The following JAKMIP1 variants were observed in gnomAD, a reference collection of about 807,000 sequenced individuals.
JAKMIP1 encodes the protein janus kinase and microtubule interacting protein 1.
In JAKMIP1, 33 loss-of-function variants were observed where a neutral mutation model predicts 113.0. That is an observed-to-expected ratio of 0.29 (90% CI 0.22 to 0.39). The LOEUF (loss-of-function observed/expected upper bound fraction) is 0.39. Ranked by LOEUF, JAKMIP1 falls within the 10% of genes least tolerant of loss-of-function variation. The pLI is 1.00. For synonymous variants in JAKMIP1, 480 were observed against 459.9 expected (o/e 1.04, Z -0.56); for missense variants, 813 against 1,080.5 (o/e 0.75, Z 3.47).
At position 6,153,189 on chromosome 4, in the gene JAKMIP1, G is replaced by A. The variant is rs1232329321; in HGVS notation, c.-147-40192C>T. Among the ~76,000 whole-genome samples, 1 of 152,114 alleles carries A rather than the reference G, an allele frequency of 6.6e-6. No homozygotes were observed. The highest frequency in any genetic ancestry group is 1.5e-5 in the Non-Finnish European group (1 of 68,026). ...GACTCTCCTGGCATCCAGCTCACCA[G>A]AGGCCAACACCTGCTCACCATTCGA... is the stretch of plus-strand genomic sequence containing the variant. On this transcript the variant is annotated intron_variant, in intron 1 of 20. Transcript: ENST00000409021. This position sits in a 1 kb window ranked among gnomAD's most constrained non-coding sequence, Gnocchi z 4.9.
At chr4:6,132,653 A>AT (rs1553848578) in intron 1 of JAKMIP1, among the ~76,000 whole-genome samples, 3 of 131,726 alleles carry the variant, frequency 2.3e-5, no homozygotes, top group African/African-American at 7.3e-5. Flanking sequence ...AAAATAAAAA[A>AT]AAAAAAAAAG....
chr4:6,082,127 C>CA (rs1720662515), intron 5 of JAKMIP1, among the ~76,000 whole-genome samples: 1 of 152,018 alleles, frequency 6.6e-6, no homozygotes, highest in Admixed American at 6.6e-5. Context: ...ATTTTATAGA[C>CA]AAAGAACCTG....
chr4:6,149,933 C>T lies in JAKMIP1; in HGVS notation c.-147-36936G>A, dbSNP rs528117096. Among the ~76,000 whole-genome samples, 134 of 152,284 alleles carry T rather than the reference C, an allele frequency of 8.8e-4. 1 individual carries two copies. In the Middle Eastern group the frequency reaches 0.01, roughly 12 times the overall value. Reference sequence around the variant, plus strand: ...CATGGCCCACCCTCCAGCTGGGCTTCTCCTCCTGCCTCTGCTCTGCACCTT... The same window carrying T: ...CATGGCCCACCCTCCAGCTGGGCTTTTCCTCCTGCCTCTGCTCTGCACCTT... On this transcript the variant is annotated intron_variant, in intron 1 of 20. Transcript: ENST00000409021.
chr4:6,131,205 G>A, intron 1 of JAKMIP1, among the ~76,000 whole-genome samples: 4 of 134,672 alleles, frequency 3.0e-5, no homozygotes, highest in African/African-American at 2.8e-5. Context: ...AACTACAAAA[G>A]GTATAAACAC....
chr4:6,117,558 A>G (rs1184796549), intron 1 of JAKMIP1, among the ~76,000 whole-genome samples: 1 of 152,138 alleles, frequency 6.6e-6, no homozygotes, highest in Non-Finnish European at 1.5e-5. Flanking sequence ...AGTTTTGGGC[A>G]CCATTGTCAT....
chr4:6,125,474 T>C (rs1307355927), intron 1 of JAKMIP1, among the ~76,000 whole-genome samples: 1 of 152,132 alleles, frequency 6.6e-6, no homozygotes, highest in African/African-American at 2.4e-5. Flanking sequence ...TTGTTCATTC[T>C]GCACCCAACA....
Position 6,200,052 on chromosome 4 carries a change from G to T in JAKMIP1, c.-148+201C>A. 6.6e-6 allele frequency among the ~76,000 whole-genome samples: 1 copy of T among 150,648 alleles called. No individual in the cohort carries two copies. The highest frequency in any genetic ancestry group is 1.5e-5 in the Non-Finnish European group (1 of 67,408). On this transcript the variant is annotated intron_variant, in intron 1 of 20. Transcript: ENST00000409021. This position sits in a 1 kb window ranked among gnomAD's most constrained non-coding sequence, Gnocchi z 7.0. ...GAGTGGGGGATGGGTATGGAAGGGT[G>T]GGGGACCACTGAGGTGGGATGCGAG... is the stretch of plus-strand genomic sequence containing the variant.
intron 1 of JAKMIP1, among the ~76,000 whole-genome samples, chr4:6,114,784 G>A (rs907285760): frequency 4.6e-5 from 7 of 152,156 alleles, no homozygotes; most frequent in South Asian, 2.1e-4. Context: ...TCCTCACCTC[G>A]GCTGACCTGC....
At chr4:6,171,090 C>T (rs1215772938) in intron 1 of JAKMIP1, among the ~76,000 whole-genome samples, 1 of 147,608 alleles carries the variant, frequency 6.8e-6, no homozygotes, top group Non-Finnish European at 1.5e-5. Flanking sequence ...CATTACCCTT[C>T]TCACTACTAC....
chr4:6,140,682 G>A lies in JAKMIP1; in HGVS notation c.-147-27685C>T, dbSNP rs1454452443. Among the ~76,000 whole-genome samples, 2 of 152,106 alleles carry A rather than the reference G, an allele frequency of 1.3e-5. No individual in the cohort carries two copies. The highest frequency in any genetic ancestry group is 1.3e-4 in the Admixed American group (2 of 15,280). On this transcript the variant is annotated intron_variant, in intron 1 of 20. Transcript: ENST00000409021. This position sits in a 1 kb window ranked among gnomAD's most constrained non-coding sequence, Gnocchi z 9.4. ...TCTTCTCCAAGACATTTTCCACAAT[G>A]AAAATGTAATGCTTTTACCTGGAAA...
At chr4:6,041,654 C>A (rs556835090) in intron 17 of JAKMIP1, among the ~76,000 whole-genome samples, 1 of 152,222 alleles carries the variant, frequency 6.6e-6, no homozygotes, top group South Asian at 2.1e-4. Context: ...CATTTCTCAT[C>A]CCACAACCCA....
chr4:6,132,654 A>AAAT lies in JAKMIP1; in HGVS notation c.-147-19658_-147-19657insATT, dbSNP rs1553848586. On this transcript the variant is annotated intron_variant, in intron 1 of 20. Coordinates refer to ENST00000409021, the MANE Select transcript of JAKMIP1 (RefSeq NM_001099433.2). ...CAGACATTGCCTCAAAAATAAAAAAAAAAAAAAAGAAAGCAGAAAAGGAGT... is the reference window on the plus strand; with the variant it reads ...CAGACATTGCCTCAAAAATAAAAAAAAATAAAAAAAAGAAAGCAGAAAAGGAGT... Among the ~76,000 whole-genome samples the AAAT allele has an allele frequency of 2.0e-5, 3 of 151,048 alleles. No homozygotes were observed. The South Asian group carries it at 6.3e-4, about 31-fold the overall frequency.
chr4:6,151,932 T>G (rs992950073), intron 1 of JAKMIP1, among the ~76,000 whole-genome samples: 4 of 152,212 alleles, frequency 2.6e-5, no homozygotes, highest in Non-Finnish European at 1.5e-5. Context: ...TGACCTTCCC[T>G]GAACATTAGC....
rs530986645 is a variant in JAKMIP1, at chr4:6,083,265, T to C, written c.955-1510A>G. On this transcript the variant is annotated intron_variant, in intron 5 of 20. Coordinates refer to ENST00000409021, the MANE Select transcript of JAKMIP1 (RefSeq NM_001099433.2). ...TAAAAATACAAAAATTAGCCGGGTG[T>C]GTTGGCGGGTGCCTGTAATCCTAGC... 2.6e-5 allele frequency among the ~76,000 whole-genome samples: 4 copies of C among 152,040 alleles called. 1 individual carries two copies. Among genetic ancestry groups the C allele is most frequent in the African/African-American group, 9.6e-5 (4 of 41,480 alleles).
At chr4:6,161,498 G>A (rs73075467) in intron 1 of JAKMIP1, among the ~76,000 whole-genome samples, 6,408 of 152,004 alleles carry the variant, frequency 0.042, 410 homozygotes, top group African/African-American at 0.14. Flanking sequence ...CAAAGACTCT[G>A]ACCAAGAAGT....
rs1714270354 is a variant in JAKMIP1, at chr4:6,108,083, G to A, written c.130-2116C>T. Among the ~76,000 whole-genome samples, 1 of 152,200 alleles carries A rather than the reference G, an allele frequency of 6.6e-6. No homozygotes were observed. Among genetic ancestry groups the A allele is most frequent in the Non-Finnish European group, 1.5e-5 (1 of 68,032 alleles). On this transcript the variant is annotated intron_variant, in intron 2 of 20. Transcript: ENST00000409021. The surrounding 1 kb of genome is among the most constrained non-coding windows in gnomAD (Gnocchi z 5.6). ...GGGGCTGCTTCCTGGGAGGGGCAGA[G>A]GTGCTGCTGAGGCTGGTGATCCAGG...
chr4:6,109,959 A>G (rs919762842), intron 2 of JAKMIP1, among the ~76,000 whole-genome samples: 2 of 151,126 alleles, frequency 1.3e-5, no homozygotes, highest in African/African-American at 4.9e-5. Context: ...GATTGAGAAA[A>G]TAATCAGCCA....
chr4:6,029,590 G>T, intron 20 of JAKMIP1, 126 bp downstream of exon 20: 1 of 672,328 alleles, frequency 1.5e-6, no homozygotes. Context: ...CTGATTTAGG[G>T]GAAGAAGGGC....
intron 9 of JAKMIP1, among the ~76,000 whole-genome samples, chr4:6,062,906 G>A (rs1331245922): frequency 6.6e-6 from 1 of 152,238 alleles, no homozygotes; most frequent in Non-Finnish European, 1.5e-5. Context: ...CAGCACTTTG[G>A]GAGGCTGAGG....
Sources: gnomAD v4.1 joint callset for allele counts (sites outside exome capture counted in the v4.1 genomes callset) on GRCh38, gnomAD v4.1.1 for gene constraint, Gnocchi (gnomAD v3.1) non-coding constraint, MANE v1.5 for transcripts, NCBI Gene and HGNC (gene_info 2026-07-23, HGNC 2026-07-21) for gene names.